Variants in NKAIN3 observed in about 807,000 individuals in gnomAD.
The protein encoded by NKAIN3 is sodium/potassium-transporting ATPase subunit beta-1-interacting protein 3.
A neutral mutation model predicts 30.2 loss-of-function variants in NKAIN3; 25 were observed. The ratio of observed to expected loss-of-function variants is 0.83; its 90% CI spans 0.60 to 1.16. NKAIN3 has a LOEUF of 1.16. Among genes scored for constraint, NKAIN3 ranks in the 50% most tolerant of loss-of-function variants. The pLI is 0.00. For synonymous variants in NKAIN3, 91 were observed against 89.6 expected, an observed-to-expected ratio of 1.02 and a Z score of -0.09; for missense variants, 225 against 254.1, an observed-to-expected ratio of 0.89 and a Z score of 0.78.
intron 3 of NKAIN3, among the ~76,000 whole-genome samples, chr8:62,594,877 G>T (rs890994260): frequency 6.8e-6 from 1 of 147,564 alleles, no homozygotes; most frequent in East Asian, 2.0e-4. Flanking sequence ...TGTCAACAGG[G>T]TAAGGGTTCT....
chr8:62,294,188 G>A (rs1476647254), intron 1 of NKAIN3, among the ~76,000 whole-genome samples: 1 of 152,174 alleles, frequency 6.6e-6, no homozygotes, highest in Non-Finnish European at 1.5e-5. Flanking sequence ...CTTCCTGGGT[G>A]AAGCGTTGCT....
At chr8:62,892,571 A>C (rs1259787911) in intron 4 of NKAIN3, among the ~76,000 whole-genome samples, 1 of 152,178 alleles carries the variant, frequency 6.6e-6, no homozygotes, top group Non-Finnish European at 1.5e-5. Context: ...AAAATAAATA[A>C]ACCAAATCAG....
At chr8:62,943,559 T>A (rs1489175704) in intron 5 of NKAIN3, among the ~76,000 whole-genome samples, 2 of 146,990 alleles carry the variant, frequency 1.4e-5, no homozygotes, top group African/African-American at 5.4e-5. Context: ...AGAGGAAAAG[T>A]CATTATACGA....
intron 4 of NKAIN3, among the ~76,000 whole-genome samples, chr8:62,813,528 C>T (rs1259565946): frequency 6.6e-6 from 1 of 151,046 alleles, no homozygotes; most frequent in African/African-American, 2.4e-5. Flanking sequence ...ATCCATTTGG[C>T]CAGTCTGTAT....
At chr8:62,577,252 G>C (rs1031979676) in intron 1 of NKAIN3, among the ~76,000 whole-genome samples, 1 of 151,894 alleles carries the variant, frequency 6.6e-6, no homozygotes, top group African/African-American at 2.4e-5. Flanking sequence ...TTAATAAATA[G>C]AGAGAGTGCC....
At chr8:62,876,088 G>T (rs929439686) in intron 4 of NKAIN3, among the ~76,000 whole-genome samples, 1 of 152,124 alleles carries the variant, frequency 6.6e-6, no homozygotes, top group African/African-American at 2.4e-5. Context: ...TCTGACAAGG[G>T]TGTAATATCC....
At position 62,844,310 on chromosome 8, in the gene NKAIN3, C is replaced by T. The variant is rs149436312; in HGVS notation, c.472-74143C>T. Among the ~76,000 whole-genome samples, 299 of 152,118 alleles carry T rather than the reference C, an allele frequency of 2.0e-3. 1 individual carries two copies. In the Middle Eastern group the frequency reaches 0.02, roughly 10 times the overall value. ...TCTCCAGAGTTACTGAAGGTTAAAC[C>T]GGATAAAAAGTGAAAGTATCCACAG... On this transcript the variant is annotated intron_variant, in intron 4 of 6. Coordinates refer to ENST00000623646, the MANE Select transcript of NKAIN3 (RefSeq NM_001304533.3).
intron 1 of NKAIN3, among the ~76,000 whole-genome samples, chr8:62,324,286 G>A (rs919360592): frequency 1.6e-4 from 24 of 152,018 alleles, no homozygotes; most frequent in African/African-American, 5.6e-4. Context: ...TTTAAAAAGA[G>A]TATTGAAAAA....
At chr8:62,460,032 T>G (rs1363735112) in intron 1 of NKAIN3, among the ~76,000 whole-genome samples, 1 of 152,200 alleles carries the variant, frequency 6.6e-6, no homozygotes. Flanking sequence ...GAGGCTCTTA[T>G]AATAGAATGG....
intron 1 of NKAIN3, among the ~76,000 whole-genome samples, chr8:62,311,837 A>T (rs1814444429): frequency 6.7e-6 from 1 of 150,246 alleles, no homozygotes; most frequent in Admixed American, 6.6e-5. Flanking sequence ...CCCACATCTG[A>T]ACTCTAAATT....
chr8:62,513,805 AG>A (rs1027039321), intron 1 of NKAIN3, among the ~76,000 whole-genome samples: 3 of 136,500 alleles, frequency 2.2e-5, no homozygotes. Context: ...CAAGAGGTCA[AG>A]GCTGCAGTTG....
chr8:62,825,215 A>G (rs914427094), intron 4 of NKAIN3, among the ~76,000 whole-genome samples: 1 of 152,182 alleles, frequency 6.6e-6, no homozygotes, highest in African/African-American at 2.4e-5. Flanking sequence ...GACTTTTTTC[A>G]CCAAAGTAAT....
intron 3 of NKAIN3, among the ~76,000 whole-genome samples, chr8:62,746,577 G>T (rs1163330214): frequency 6.6e-6 from 1 of 152,166 alleles, no homozygotes; most frequent in Admixed American, 6.5e-5. Context: ...TTTATCCTAT[G>T]ATAGTGATAT....
intron 4 of NKAIN3, among the ~76,000 whole-genome samples, chr8:62,763,251 A>C (rs1436119749): frequency 2.8e-5 from 4 of 145,386 alleles, no homozygotes; most frequent in African/African-American, 7.8e-5. Flanking sequence ...AAAAAAAAAA[A>C]AAAAAAAAAA....
chr8:62,737,345 T>G (rs1815707981), intron 3 of NKAIN3, among the ~76,000 whole-genome samples: 1 of 152,234 alleles, frequency 6.6e-6, no homozygotes, highest in Non-Finnish European at 1.5e-5. Context: ...CTGCTAAAGC[T>G]TTGACTAACT....
chr8:62,936,109 A>C (rs577991172), intron 5 of NKAIN3, among the ~76,000 whole-genome samples: 1 of 152,130 alleles, frequency 6.6e-6, no homozygotes, highest in African/African-American at 2.4e-5. Context: ...AACCACCGCT[A>C]TTTCCCAAAG....
At chr8:62,598,573 G>A (rs1810903109) in intron 3 of NKAIN3, among the ~76,000 whole-genome samples, 2 of 152,026 alleles carry the variant, frequency 1.3e-5, no homozygotes, top group Admixed American at 1.3e-4. Context: ...TCTTAACCAC[G>A]TTTCCACCCT....
intron 4 of NKAIN3, among the ~76,000 whole-genome samples, chr8:62,793,137 C>T (rs1371448492): frequency 6.6e-6 from 1 of 151,904 alleles, no homozygotes. Flanking sequence ...CCTGACACAT[C>T]CGCTTGTGAG....
intron 1 of NKAIN3, among the ~76,000 whole-genome samples, chr8:62,388,697 C>T (rs1817501310): frequency 1.3e-5 from 2 of 152,184 alleles, no homozygotes; most frequent in African/African-American, 4.8e-5. Context: ...ATTAAGACAT[C>T]AGACTGAGAT....
Sources: allele counts gnomAD v4.1 joint callset (sites outside exome capture counted in the v4.1 genomes callset), GRCh38; gene constraint gnomAD v4.1.1; transcripts MANE v1.5; gene names NCBI Gene and HGNC (gene_info 2026-07-23, HGNC 2026-07-21).